Variants in CALN1 observed in about 807,000 individuals in gnomAD.
CALN1 encodes the protein calcium-binding protein 8.
Under a neutral mutation model 30.6 loss-of-function variants are expected in CALN1, and 17 were observed. The ratio of observed to expected loss-of-function variants is 0.56; its 90% confidence interval spans 0.38 to 0.83. The LOEUF (loss-of-function observed/expected upper bound fraction) is 0.83. Ranked by LOEUF, CALN1 falls within the 40% of genes least tolerant of loss-of-function variation. CALN1 has a pLI of 0.00. For synonymous variants in CALN1, 156 were observed against 131.4 expected, an observed-to-expected ratio of 1.19 and a Z score of -1.28; for missense variants, 291 against 354.9, an observed-to-expected ratio of 0.82 and a Z score of 1.45.
At chr7:72,136,394 T>C (rs1312840507) in intron 3 of CALN1, among the ~76,000 whole-genome samples, 2 of 151,918 alleles carry the variant, frequency 1.3e-5, no homozygotes, top group Non-Finnish European at 2.9e-5. Context: ...CTCTCAGCCT[T>C]CATAGAATTG....
intron 3 of CALN1, among the ~76,000 whole-genome samples, chr7:72,190,613 T>C (rs1562712074): frequency 6.6e-6 from 1 of 152,236 alleles, no homozygotes; most frequent in Non-Finnish European, 1.5e-5. Context: ...TTCAAGATCA[T>C]GATTGCCTAA....
intron 2 of CALN1, among the ~76,000 whole-genome samples, chr7:72,360,470 T>C (rs1256895635): frequency 6.6e-6 from 1 of 150,654 alleles, no homozygotes; most frequent in Admixed American, 6.6e-5. Context: ...ACATCACACA[T>C]GTTTATAGAT....
rs1787883881 is a variant in CALN1 at position 71,810,462 on chromosome 7, A to G, written c.532T>C (p.Leu178=). The part of the protein sequence containing the change: ...FDMQRITLEE[L]KHILYHAFRD... The stretch of plus-strand genomic sequence containing the variant: ...AAGGCATGATAGAGAATGTGCTTCA[A>G]CTCTTCCAGAGTTATCCTTTGCATG... The change falls in exon 6 of 7, where the codon TTG becomes CTG. Residue 178 remains leucine (L), a synonymous_variant. Transcript: ENST00000395275. 4 of 1,613,874 alleles carry G rather than the reference A, an allele frequency of 2.5e-6. No individual in the cohort carries two copies. The highest frequency in any genetic ancestry group is 1.3e-5 in the African/African-American group (1 of 74,980).
intron 3 of CALN1, among the ~76,000 whole-genome samples, chr7:72,107,615 A>G (rs1300062868): frequency 6.6e-6 from 1 of 152,176 alleles, no homozygotes; most frequent in Non-Finnish European, 1.5e-5. Context: ...ATTGGAGGTC[A>G]CAGTGTGAAG....
At chr7:72,385,288 G>A (rs183894127) in intron 2 of CALN1, among the ~76,000 whole-genome samples, 5 of 152,140 alleles carry the variant, frequency 3.3e-5, no homozygotes, top group East Asian at 3.9e-4. Context: ...CAGCAAACAG[G>A]GTCTCAGGTA....
chr7:72,295,471 G>A (rs886493666), intron 2 of CALN1, among the ~76,000 whole-genome samples: 4 of 151,626 alleles, frequency 2.6e-5, no homozygotes, highest in Admixed American at 1.3e-4. Context: ...CCATTTTCAC[G>A]ATATTGATTC....
intron 5 of CALN1, among the ~76,000 whole-genome samples, chr7:71,832,702 G>A (rs935011171): frequency 2.6e-5 from 4 of 152,004 alleles, no homozygotes; most frequent in Non-Finnish European, 4.4e-5. Context: ...CCAGGCTTAA[G>A]TGATCCTCCC....
At chr7:72,409,495 G>C (rs1806961245) in intron 1 of CALN1, among the ~76,000 whole-genome samples, 1 of 147,974 alleles carries the variant, frequency 6.8e-6, no homozygotes, top group Admixed American at 6.7e-5. Context: ...TGGATAGTCT[G>C]AGTGGACTGG....
the CALN1 span, among the ~76,000 whole-genome samples, chr7:72,498,830 T>C: frequency 6.6e-6 from 1 of 152,142 alleles, no homozygotes. Flanking sequence ...AATAAAGCAC[T>C]AATTTAGGTA....
At chr7:72,399,501 C>T (rs947756704) in intron 2 of CALN1, among the ~76,000 whole-genome samples, 1 of 151,946 alleles carries the variant, frequency 6.6e-6, no homozygotes, top group Non-Finnish European at 1.5e-5. Flanking sequence ...GATCTCTTGA[C>T]CTCGTGATCC....
chr7:72,007,961 A>G (rs1386225666), intron 5 of CALN1, among the ~76,000 whole-genome samples: 1 of 152,212 alleles, frequency 6.6e-6, no homozygotes, highest in Non-Finnish European at 1.5e-5. Flanking sequence ...ACACAAAGAG[A>G]AAGTGTCAGA....
At position 72,051,055 on chromosome 7, in the gene CALN1, G is replaced by A. The variant is rs944204915; in HGVS notation, c.389-27286C>T. ...AAATAAATAAATATTTTGTTATTTG[G>A]AAAGGAAAAAATAAAACATTTTTAA... On this transcript the variant is annotated intron_variant, in intron 4 of 6. Transcript: ENST00000395275. Among the ~76,000 whole-genome samples the A allele has an allele frequency of 2.0e-5, 3 of 150,784 alleles. No individual in the cohort carries two copies. In the East Asian group the frequency reaches 5.8e-4, roughly 29 times the overall value.
chr7:72,480,189 G>A, the CALN1 span, among the ~76,000 whole-genome samples: 1 of 152,360 alleles, frequency 6.6e-6, no homozygotes, highest in African/African-American at 2.4e-5. Context: ...GGGAAACACA[G>A]ATGTTCTTTA....
chr7:72,216,695 G>A (rs550119385), intron 3 of CALN1, among the ~76,000 whole-genome samples: 1 of 152,210 alleles, frequency 6.6e-6, no homozygotes, highest in Non-Finnish European at 1.5e-5. Context: ...ATAAAGCAGG[G>A]GACAGTGAAG....
intron 1 of CALN1, among the ~76,000 whole-genome samples, chr7:72,423,298 A>T (rs1340707910): frequency 2.0e-5 from 3 of 151,928 alleles, no homozygotes; most frequent in African/African-American, 7.3e-5. Flanking sequence ...GTCCTATATC[A>T]CTGGACAAAT....
At chr7:72,054,436 T>C (rs1230415634) in intron 4 of CALN1, among the ~76,000 whole-genome samples, 1 of 6,896 alleles carries the variant, frequency 1.5e-4, no homozygotes, top group Non-Finnish European at 7.2e-4. Flanking sequence ...TATACACGTA[T>C]ATATATATAT....
chr7:72,061,961 C>T (rs141514812), intron 4 of CALN1, among the ~76,000 whole-genome samples: 21 of 152,066 alleles, frequency 1.4e-4, no homozygotes, highest in African/African-American at 4.1e-4. Flanking sequence ...AAATAAATGA[C>T]GCATTACCAA....
At chr7:72,036,484 T>G (rs922032264) in intron 4 of CALN1, among the ~76,000 whole-genome samples, 3 of 152,246 alleles carry the variant, frequency 2.0e-5, no homozygotes, top group African/African-American at 7.2e-5. Context: ...ATTGGTCCAC[T>G]TGATGGACAC....
At chr7:72,434,219 C>G (rs1249349613) in intron 1 of CALN1, among the ~76,000 whole-genome samples, 3 of 151,566 alleles carry the variant, frequency 2.0e-5, no homozygotes, top group African/African-American at 4.8e-5. Flanking sequence ...AAATAATTTA[C>G]CAGCCAGGCA....
Sources: gnomAD v4.1 joint callset for allele counts (sites outside exome capture counted in the v4.1 genomes callset) on GRCh38, gnomAD v4.1.1 for gene constraint, MANE v1.5 for transcripts, NCBI Gene and HGNC (gene_info 2026-07-23, HGNC 2026-07-21) for gene names.